The following LAMA1 variants were observed in gnomAD, a reference collection of about 807,000 sequenced individuals.
The protein encoded by LAMA1 is laminin subunit alpha-1.
A neutral mutation model predicts 348.7 loss-of-function variants in LAMA1; 219 were observed. The ratio of observed to expected loss-of-function variants is 0.63; its 90% CI spans 0.56 to 0.70. LAMA1 has a LOEUF of 0.70. LAMA1 is among the 30% of genes least tolerant of loss of function. LAMA1 has a pLI of 0.00. For synonymous variants in LAMA1, 1,487 were observed against 1,491.0 expected (o/e 1.00, Z 0.06); for missense variants, 3,744 against 3,888.0 (o/e 0.96, Z 0.99).
rs376290444 is a variant in LAMA1, at chr18:7,023,150, G to A, written c.2701+14C>T. 42 of 1,609,034 alleles carry A rather than the reference G, an allele frequency of 2.6e-5. No homozygotes were observed. The highest frequency in any genetic ancestry group is 3.4e-5 in the Non-Finnish European group (40 of 1,178,386). On this transcript the variant is annotated intron_variant, in intron 19 of 62. Transcript: ENST00000389658. Reference sequence around the variant, plus strand: ...CAATAAACAGCTGACCTGACTTCACGCTCACGCACTCACCGCGGCAGTTCT... The same window carrying A: ...CAATAAACAGCTGACCTGACTTCACACTCACGCACTCACCGCGGCAGTTCT...
intron 1 of LAMA1, among the ~76,000 whole-genome samples, chr18:7,097,797 T>G (rs1429151035): frequency 6.6e-6 from 1 of 152,074 alleles, no homozygotes; most frequent in African/African-American, 2.4e-5. Flanking sequence ...CCACTGGATA[T>G]CTATATGCAA....
At chr18:6,985,703 G>A in intron 37 of LAMA1, 60 bp from the exon 38 acceptor site, 1 of 1,011,930 alleles carries the variant, frequency 9.9e-7, no homozygotes, top group East Asian at 2.4e-5. Context: ...TCTGACCTTT[G>A]GTGCCTAATG....
At chr18:7,011,609 T>G in intron 24 of LAMA1, 130 bp from the exon 25 acceptor site, 1 of 995,172 alleles carries the variant, frequency 1.0e-6, no homozygotes, top group Non-Finnish European at 1.5e-6. Context: ...GTAAAGACTT[T>G]TCCTTTAAAC....
At chr18:6,942,729 A>G (rs2057504672) in intron 62 of LAMA1, among the ~76,000 whole-genome samples, 1 of 152,192 alleles carries the variant, frequency 6.6e-6, no homozygotes, top group South Asian at 2.1e-4. Context: ...CTTTTAATAT[A>G]TAAAATTTTA....
chr18:7,114,076 C>CA (rs4012960), intron 1 of LAMA1, among the ~76,000 whole-genome samples: 55,671 of 114,948 alleles, frequency 0.48, 13,345 homozygotes, highest in South Asian at 0.68. Flanking sequence ...GACTCCGTCT[C>CA]AAAAAAAAAA....
chr18:7,112,719 T>G (rs2058340895), intron 1 of LAMA1, among the ~76,000 whole-genome samples: 1 of 151,226 alleles, frequency 6.6e-6, no homozygotes, highest in African/African-American at 2.4e-5. Flanking sequence ...TCACCACAAC[T>G]TCCGCCTCCA....
chr18:6,974,455 C>CTTTT (rs1213269695), intron 46 of LAMA1, among the ~76,000 whole-genome samples: 4 of 128,288 alleles, frequency 3.1e-5, no homozygotes, highest in Admixed American at 1.6e-4. Context: ...TATTTCTTTT[C>CTTTT]TTTTTTTTTT....
chr18:7,011,911 A>T, intron 24 of LAMA1, 84 bp downstream of exon 24: 1 of 1,496,448 alleles, frequency 6.7e-7, no homozygotes, highest in Non-Finnish European at 9.1e-7. Context: ...ATTTAATGTG[A>T]ACACTTGGCT....
chr18:7,085,654 C>T, intron 1 of LAMA1, among the ~76,000 whole-genome samples: 1 of 152,046 alleles, frequency 6.6e-6, no homozygotes, highest in Non-Finnish European at 1.5e-5. Flanking sequence ...TCCTGACTTC[C>T]TGATCCGCCC....
chr18:6,992,022 T>G (rs551422407), intron 36 of LAMA1, among the ~76,000 whole-genome samples: 1 of 152,306 alleles, frequency 6.6e-6, no homozygotes, highest in South Asian at 2.1e-4. Context: ...GTAATACCTG[T>G]GTGGAAATGC....
chr18:6,985,573 A>T lies in LAMA1; in HGVS notation c.5450T>A (p.Ile1817Lys). The T allele has an allele frequency of 6.2e-7, 1 of 1,614,200 alleles. No individual in the cohort carries two copies. The highest frequency in any genetic ancestry group is 8.5e-7 in the Non-Finnish European group (1 of 1,180,024). ...SELIVQGRGL[I>K]DAAAAQTDAV... The stretch of plus-strand genomic sequence containing the variant: ...ATCTGTTTGTGCAGCAGCAGCATCT[A>T]TCAATCCTCTTCCTTGGACAATGAG... Residue 1817 changes from isoleucine (I) to lysine (K), a missense_variant, in exon 38 of 63, where the codon ATA becomes AAA. By Grantham distance (102) the Ile-to-Lys change is moderately radical (BLOSUM62 -3). This residue lies in a region of LAMA1 where 1,983 missense variants were observed against 1,934.3 expected (regional missense o/e 1.03). Coordinates refer to ENST00000389658, the MANE Select transcript of LAMA1 (RefSeq NM_005559.4).
intron 46 of LAMA1, among the ~76,000 whole-genome samples, chr18:6,973,939 T>C (rs377087009): frequency 5.9e-5 from 9 of 152,214 alleles, no homozygotes; most frequent in African/African-American, 1.7e-4. Context: ...ACCACTGTGC[T>C]TGGATAAATT....
At chr18:7,117,429 G>A (rs976144128) in intron 1 of LAMA1, among the ~76,000 whole-genome samples, 1 of 152,146 alleles carries the variant, frequency 6.6e-6, no homozygotes, top group Non-Finnish European at 1.5e-5. Context: ...AAAGCCCGAG[G>A]AGGTTAAAGC....
intron 3 of LAMA1, among the ~76,000 whole-genome samples, chr18:7,072,405 G>A (rs752392326): frequency 1.3e-5 from 2 of 152,100 alleles, no homozygotes; most frequent in African/African-American, 2.4e-5. Context: ...CACACTTCAT[G>A]CATCTCCACC....
intron 36 of LAMA1, among the ~76,000 whole-genome samples, chr18:6,992,103 G>T (rs537159016): frequency 6.6e-6 from 1 of 152,290 alleles, no homozygotes; most frequent in Non-Finnish European, 1.5e-5. Flanking sequence ...TGATCTCTGT[G>T]TCACTTCACA....
intron 57 of LAMA1, among the ~76,000 whole-genome samples, chr18:6,952,891 C>T (rs1463206149): frequency 3.3e-5 from 5 of 150,396 alleles, no homozygotes; most frequent in Non-Finnish European, 5.9e-5. Context: ...CCATGTCTGC[C>T]TGTGTCCAGC....
intron 3 of LAMA1, among the ~76,000 whole-genome samples, chr18:7,076,182 A>G (rs1715618993): frequency 6.6e-6 from 1 of 152,240 alleles, no homozygotes; most frequent in South Asian, 2.1e-4. Context: ...GGTAAAAAAA[A>G]GTCATCAGAA....
At chr18:6,955,735 C>T (rs544865804) in intron 56 of LAMA1, 2 of 547,294 alleles carry the variant, frequency 3.7e-6, no homozygotes, top group African/African-American at 3.7e-5. Context: ...GTCTCTCCTA[C>T]AAATTTTCAT....
At chr18:6,943,827 G>C (rs1600336412) in intron 61 of LAMA1, among the ~76,000 whole-genome samples, 1 of 112,328 alleles carries the variant, frequency 8.9e-6, no homozygotes, top group East Asian at 2.9e-4. Flanking sequence ...TGGGCAACAA[G>C]AGCGAAACTC....
Sources: allele counts gnomAD v4.1 joint callset (sites outside exome capture counted in the v4.1 genomes callset), GRCh38; gene constraint gnomAD v4.1.1; regional missense constraint gnomAD v4.1.1; transcripts MANE v1.5; gene names NCBI Gene and HGNC (gene_info 2026-07-23, HGNC 2026-07-21).